Variants in TET3 observed in about 807,000 individuals in gnomAD.
TET3 encodes tet methylcytosine dioxygenase 3.
A neutral mutation model predicts 141.4 loss-of-function variants in TET3; 19 were observed. The ratio of observed to expected loss-of-function variants is 0.13; its 90% CI spans 0.09 to 0.20. The LOEUF (loss-of-function observed/expected upper bound fraction) is 0.20. Ranked by LOEUF, TET3 falls within the 10% of genes least tolerant of loss-of-function variation. TET3 has a pLI of 1.00. For missense variants in TET3, 1,874 were observed against 2,356.9 expected (o/e 0.80, Z 4.24); for synonymous variants, 1,043 against 980.9 (o/e 1.06, Z -1.18).
intron 3 of TET3, among the ~76,000 whole-genome samples, chr2:74,014,547 T>G (rs1163809764): frequency 6.6e-6 from 1 of 152,170 alleles, no homozygotes; most frequent in Admixed American, 6.5e-5. Flanking sequence ...CACCAGGACC[T>G]GTGGAATTTT....
At chr2:74,002,843 CG>C (rs1684935011) in intron 2 of TET3, 2 of 568,346 alleles carry the variant, frequency 3.5e-6, no homozygotes, top group Non-Finnish European at 6.3e-6. Context: ...GGACGCGGGC[CG>C]GGGGTCGCCG....
chr2:74,051,886 A>C (rs1174287969), intron 4 of TET3, among the ~76,000 whole-genome samples: 2 of 152,226 alleles, frequency 1.3e-5, no homozygotes, highest in African/African-American at 2.4e-5. Flanking sequence ...TCCTCACTAA[A>C]ACAATGGTAG....
At chr2:74,079,674 A>T (rs894359288) in intron 5 of TET3, among the ~76,000 whole-genome samples, 1 of 152,202 alleles carries the variant, frequency 6.6e-6, no homozygotes, top group Non-Finnish European at 1.5e-5. Flanking sequence ...CAGATGAGAA[A>T]ACTGAGGCTT....
chr2:73,996,415 C>A (rs1684597943), intron 2 of TET3, among the ~76,000 whole-genome samples: 1 of 152,186 alleles, frequency 6.6e-6, no homozygotes, highest in South Asian at 2.1e-4. Flanking sequence ...AGGGCATAGG[C>A]ACTGCACAGA....
rs1691172235 is a variant in TET3, at chr2:74,100,988, A to G, written c.4200A>G (p.Pro1400=). ...ACAACAGATCCATCAAGCAAGAGCC[A>G]GTAGACCCGCTGACCCAGGCTGAGC... The part of the protein sequence containing the change: ...NCYNRSIKQE[P]VDPLTQAEPV... The change falls in exon 12 of 12, where the codon CCA becomes CCG. Residue 1400 remains proline (P), a synonymous_variant. Transcript: ENST00000409262. 1 of 1,612,866 alleles carries G rather than the reference A, an allele frequency of 6.2e-7. No homozygotes were observed. Among genetic ancestry groups the G allele is most frequent in the South Asian group, 1.1e-5 (1 of 90,766 alleles).
intron 3 of TET3, among the ~76,000 whole-genome samples, chr2:74,032,966 A>G (rs955978381): frequency 3.9e-5 from 6 of 152,268 alleles, no homozygotes; most frequent in African/African-American, 1.4e-4. Context: ...TTCACCTTCC[A>G]GTGCGTCTCA....
At chr2:74,016,938 A>G (rs892189860) in intron 3 of TET3, among the ~76,000 whole-genome samples, 2 of 152,154 alleles carry the variant, frequency 1.3e-5, no homozygotes, top group Non-Finnish European at 2.9e-5. Context: ...ATTTATTAAT[A>G]TTATTTTGTG....
chr2:74,036,941 G>A (rs1687094943), intron 3 of TET3, among the ~76,000 whole-genome samples: 2 of 151,974 alleles, frequency 1.3e-5, no homozygotes, highest in South Asian at 4.2e-4. Flanking sequence ...TTTTGTAGTA[G>A]GAAAAAAAAT....
intron 3 of TET3, among the ~76,000 whole-genome samples, chr2:74,039,978 GA>G (rs1379173381): frequency 1.3e-5 from 2 of 152,162 alleles, no homozygotes; most frequent in Non-Finnish European, 2.9e-5. Flanking sequence ...AGGGAACATA[GA>G]CCCCCACCTC....
At chr2:74,000,711 A>G (rs1180983333) in intron 2 of TET3, among the ~76,000 whole-genome samples, 3 of 152,166 alleles carry the variant, frequency 2.0e-5, no homozygotes, top group Non-Finnish European at 4.4e-5. Context: ...TGGAAAGAGA[A>G]GGACCTAGAT....
At chr2:74,023,133 AT>A (rs1686144581) in intron 3 of TET3, among the ~76,000 whole-genome samples, 1 of 152,118 alleles carries the variant, frequency 6.6e-6, no homozygotes, top group Non-Finnish European at 1.5e-5. Context: ...CTTGGACCAC[AT>A]TTTTGAGTAG....
At chr2:74,133,701 T>G in the TET3 span, among the ~76,000 whole-genome samples, 2 of 152,226 alleles carry the variant, frequency 1.3e-5, no homozygotes, top group Non-Finnish European at 2.9e-5. Flanking sequence ...GTGCCCTACA[T>G]GATGTATTCT....
intron 3 of TET3, among the ~76,000 whole-genome samples, chr2:74,013,297 TG>T (rs143761039): frequency 0.026 from 4,019 of 151,882 alleles, 171 homozygotes; most frequent in African/African-American, 0.092. Flanking sequence ...CCTGGCCTGA[TG>T]GGGTATTTTT....
the TET3 span, among the ~76,000 whole-genome samples, chr2:74,128,623 A>G: frequency 2.6e-5 from 4 of 152,210 alleles, no homozygotes; most frequent in African/African-American, 9.6e-5. Context: ...GAACTCCACT[A>G]TCTTCAAAAT....
chr2:74,073,533 C>G lies in TET3; in HGVS notation c.2495-16C>G, dbSNP rs1303702093. 2 of 1,580,002 alleles carry G rather than the reference C, an allele frequency of 1.3e-6. No homozygotes were observed. Among genetic ancestry groups the G allele is most frequent in the African/African-American group, 1.4e-5 (1 of 73,060 alleles). ...AATTGATATTCCAAAAATGTTTACTCTCTGTGTTTCTGCAGAACAAATAGT... is the reference window on the plus strand; with the variant it reads ...AATTGATATTCCAAAAATGTTTACTGTCTGTGTTTCTGCAGAACAAATAGT... On this transcript the variant is annotated splice_polypyrimidine_tract_variant and intron_variant, in intron 4 of 11. Transcript: ENST00000409262.
intron 10 of TET3, among the ~76,000 whole-genome samples, chr2:74,097,194 T>TACACACAC (rs1558791265): frequency 1.7e-5 from 1 of 59,992 alleles, no homozygotes. Flanking sequence ...TAGCCATACA[T>TACACACAC]GCACACACAC....
chr2:73,983,909 T>G (rs984558457), upstream of TET3, among the ~76,000 whole-genome samples: 1 of 152,228 alleles, frequency 6.6e-6, no homozygotes, highest in Non-Finnish European at 1.5e-5. Flanking sequence ...AGCCTGGCAG[T>G]CAGGCCAGAT....
At chr2:74,135,228 TTC>T in the TET3 span, 2 of 348,384 alleles carry the variant, frequency 5.7e-6, no homozygotes, top group East Asian at 5.5e-5. Flanking sequence ...AAAGGATCTT[TTC>T]TTTGTTTCAG....
chr2:74,063,624 T>C (rs893912330), intron 4 of TET3, among the ~76,000 whole-genome samples: 1 of 152,132 alleles, frequency 6.6e-6, no homozygotes, highest in Non-Finnish European at 1.5e-5. Context: ...AAGTAGCAAA[T>C]AGAATGTGAT....
Sources: gnomAD v4.1 joint callset for allele counts (sites outside exome capture counted in the v4.1 genomes callset) on GRCh38, gnomAD v4.1.1 for gene constraint, MANE v1.5 for transcripts, NCBI Gene and HGNC (gene_info 2026-07-23, HGNC 2026-07-21) for gene names.